TRMT9B: variants seen among roughly 807,000 people sequenced by gnomAD.
TRMT9B encodes the protein tRNA methyltransferase 9B (putative), also known as probable tRNA methyltransferase 9B.
A neutral mutation model predicts 11.5 loss-of-function variants in TRMT9B; 16 were observed. That is an observed-to-expected ratio of 1.39 (90% CI 0.94 to 2.11). TRMT9B has a LOEUF of 2.11. TRMT9B is among the 30% of genes most tolerant of loss of function. TRMT9B has a pLI of 0.00. For missense variants in TRMT9B, 941 were observed against 553.8 expected (o/e 1.70, Z -7.02); for synonymous variants, 274 against 192.4 (o/e 1.42, Z -3.51).
At chr8:13,018,785 A>G (rs1466289857) in intron 4 of TRMT9B, among the ~76,000 whole-genome samples, 1 of 152,166 alleles carries the variant, frequency 6.6e-6, no homozygotes, top group Non-Finnish European at 1.5e-5. Context: ...GCCTGAACGA[A>G]GTTATCTAAC....
chr8:12,956,294 A>G (rs77745306), intron 1 of TRMT9B, among the ~76,000 whole-genome samples: 8,462 of 152,268 alleles, frequency 0.056, 294 homozygotes, highest in South Asian at 0.1. Context: ...TTATTTTTAA[A>G]ATTGGTAGAG....
chr8:12,950,962 G>A (rs902116186), intron 1 of TRMT9B, among the ~76,000 whole-genome samples: 7 of 152,108 alleles, frequency 4.6e-5, no homozygotes, highest in Non-Finnish European at 1.0e-4. Context: ...CTCATTTTTC[G>A]TCACTAAGAA....
intron 3 of TRMT9B, 38 bp from the exon 4 acceptor site, chr8:13,012,646 A>G (rs759795328): frequency 5.8e-6 from 9 of 1,555,354 alleles, no homozygotes; most frequent in Non-Finnish European, 7.0e-6. Flanking sequence ...CACATTTTCC[A>G]TTGAGGATAG....
In TRMT9B at chr8:13,022,260, T is replaced by A. The variant is rs1814085577; in HGVS notation, c.*216T>A. On this transcript the variant is annotated 3_prime_UTR_variant, in exon 5 of 5. Coordinates refer to ENST00000524591, the MANE Select transcript of TRMT9B (RefSeq NM_020844.3). ...GACAAAGGGTATTTGTGCTTAAATG[T>A]TAATATACAAGATCTGAAGAAGCAA... The A allele has an allele frequency of 2.1e-6, 1 of 482,490 alleles. No individual in the cohort carries two copies. 29.9% of individuals were successfully genotyped at this position (482,490 alleles called of 1,614,324 possible).
intron 1 of TRMT9B, chr8:12,960,373 A>C (rs6999231): frequency 0.41 from 62,935 of 152,058 alleles, 13,877 homozygotes; most frequent in Middle Eastern, 0.59. Context: ...AGGAGCTTTC[A>C]GAAAAATGGA....
intron 1 of TRMT9B, among the ~76,000 whole-genome samples, chr8:12,987,312 G>A (rs1020366069): frequency 2.0e-5 from 3 of 152,152 alleles, no homozygotes; most frequent in Non-Finnish European, 4.4e-5. Flanking sequence ...CTGGCCCATA[G>A]CAAATAATTA....
intron 2 of TRMT9B, among the ~76,000 whole-genome samples, chr8:13,005,576 A>T (rs1266088229): frequency 6.6e-6 from 1 of 152,194 alleles, no homozygotes; most frequent in African/African-American, 2.4e-5. Context: ...TACCCACAAA[A>T]ATTAAAAATA....
chr8:12,979,814 A>G (rs1805061002), intron 1 of TRMT9B, among the ~76,000 whole-genome samples: 1 of 152,216 alleles, frequency 6.6e-6, no homozygotes, highest in South Asian at 2.1e-4. Context: ...GGCAACAGAA[A>G]GGAATTCTGG....
chr8:13,017,434 A>G lies in TRMT9B; in HGVS notation c.329-3574A>G, dbSNP rs78697403. The stretch of plus-strand genomic sequence containing the variant: ...GTACTACTTTTGCCTTTAAGTTGTG[A>G]TTATGATTTTTTAAACAAAAGGGAC... On this transcript the variant is annotated intron_variant, in intron 4 of 4. Coordinates refer to ENST00000524591, the MANE Select transcript of TRMT9B (RefSeq NM_020844.3). 4.9e-4 allele frequency among the ~76,000 whole-genome samples: 75 copies of G among 152,258 alleles called. No homozygotes were observed. The East Asian group carries it at 0.014, about 28-fold the overall frequency.
chr8:12,979,885 A>C (rs916600799), intron 1 of TRMT9B, among the ~76,000 whole-genome samples: 5 of 152,306 alleles, frequency 3.3e-5, no homozygotes, highest in Middle Eastern at 3.4e-3. Context: ...AATCAAGAGA[A>C]CCTCGGCTGG....
In TRMT9B at chr8:12,989,838, A is replaced by C. The variant is rs541773373; in HGVS notation, c.-199-996A>C. The stretch of plus-strand genomic sequence containing the variant: ...CTCTTTCAAAATGCTTCTTAAACGC[A>C]CTTCTAAAAAGTTAGCTTCTGTGGC... On this transcript the variant is annotated intron_variant, in intron 1 of 4. Transcript: ENST00000524591. 4.1e-4 allele frequency among the ~76,000 whole-genome samples: 62 copies of C among 152,370 alleles called. 1 individual carries two copies. Among genetic ancestry groups the C allele is most frequent in the African/African-American group, 1.4e-3 (59 of 41,594 alleles).
chr8:12,996,236 C>G, intron 2 of TRMT9B, among the ~76,000 whole-genome samples: 1 of 152,146 alleles, frequency 6.6e-6, no homozygotes. Context: ...TTGAGTAAAG[C>G]TATTCAATGT....
chr8:12,947,586 T>C (rs1800325885), intron 1 of TRMT9B, among the ~76,000 whole-genome samples: 1 of 152,256 alleles, frequency 6.6e-6, no homozygotes, highest in Admixed American at 6.5e-5. Flanking sequence ...TTGAGGCTTA[T>C]GGCAACACAT....
At position 12,989,080 on chromosome 8, in the gene TRMT9B, T is replaced by A. The variant is rs576596884; in HGVS notation, c.-199-1754T>A. Among the ~76,000 whole-genome samples the A allele has an allele frequency of 1.3e-3, 180 of 140,008 alleles. 1 individual carries two copies. Among genetic ancestry groups the A allele is most frequent in the African/African-American group, 3.1e-3 (112 of 35,940 alleles). 91.9% of individuals were successfully genotyped at this position (140,008 alleles called of 152,430 possible). A position where few individuals can be genotyped will look rare whatever the true frequency, so the allele number is the denominator to read the frequency against. ...TGTATTTTTAATTTAATACAGAAAT[T>A]TTTTTTTTTTCAAAAATCTGGCTTT... On this transcript the variant is annotated intron_variant, in intron 1 of 4. Coordinates refer to ENST00000524591, the MANE Select transcript of TRMT9B (RefSeq NM_020844.3).
chr8:12,947,190 C>A (rs1457763559), intron 1 of TRMT9B, among the ~76,000 whole-genome samples: 1 of 152,146 alleles, frequency 6.6e-6, no homozygotes, highest in Non-Finnish European at 1.5e-5. Flanking sequence ...TTGAGCTTTG[C>A]CTATCCCTGT....
Position 12,985,250 on chromosome 8 carries a change from C to A in TRMT9B, c.-199-5584C>A, listed in dbSNP as rs1806095152. Among the ~76,000 whole-genome samples, 4 of 152,224 alleles carry A rather than the reference C, an allele frequency of 2.6e-5. No individual in the cohort carries two copies. In the South Asian group the frequency reaches 8.3e-4, roughly 32 times the overall value. On this transcript the variant is annotated intron_variant, in intron 1 of 4. Coordinates refer to ENST00000524591, the MANE Select transcript of TRMT9B (RefSeq NM_020844.3). ...GGGATTCCAGAGAGGATCGTATTCTCCCGGTGCAACATATTTTGTTGTTTT... is the reference window on the plus strand; with the variant it reads ...GGGATTCCAGAGAGGATCGTATTCTACCGGTGCAACATATTTTGTTGTTTT...
chr8:13,001,868 T>A (rs1432388788), intron 2 of TRMT9B, among the ~76,000 whole-genome samples: 3 of 152,164 alleles, frequency 2.0e-5, no homozygotes, highest in African/African-American at 7.2e-5. Context: ...TCCTGGCTAA[T>A]CCAAACCCTT....
At chr8:12,976,901 G>A (rs898008954) in intron 1 of TRMT9B, among the ~76,000 whole-genome samples, 3 of 152,118 alleles carry the variant, frequency 2.0e-5, no homozygotes, top group Non-Finnish European at 4.4e-5. Flanking sequence ...AGACCTATCT[G>A]GGAGGGAGTT....
At chr8:12,998,681 C>G (rs527857286) in intron 2 of TRMT9B, among the ~76,000 whole-genome samples, 8 of 152,206 alleles carry the variant, frequency 5.3e-5, no homozygotes, top group Non-Finnish European at 7.3e-5. Flanking sequence ...GGGGACAAAA[C>G]AAAGCCTTCT....
Sources: gnomAD v4.1 joint callset for allele counts (sites outside exome capture counted in the v4.1 genomes callset) on GRCh38, gnomAD v4.1.1 for gene constraint, MANE v1.5 for transcripts, NCBI Gene and HGNC (gene_info 2026-07-23, HGNC 2026-07-21) for gene names.